EXOC4: variants seen among roughly 807,000 people sequenced by gnomAD.
The protein encoded by EXOC4 is SEC8-like 1.
A neutral mutation model predicts 107.2 loss-of-function variants in EXOC4; 71 were observed. The ratio of observed to expected loss-of-function variants is 0.66; its 90% CI spans 0.55 to 0.81. The LOEUF (loss-of-function observed/expected upper bound fraction) is 0.81. Among genes scored for constraint, EXOC4 ranks in the 30% least tolerant of loss-of-function variants. The pLI, the probability that EXOC4 is intolerant of heterozygous loss-of-function variation, is 0.00. For missense variants in EXOC4, 1,108 were observed against 1,189.6 expected, an observed-to-expected ratio of 0.93 and a Z score of 1.01; for synonymous variants, 456 against 441.2, an observed-to-expected ratio of 1.03 and a Z score of -0.42.
the EXOC4 span, among the ~76,000 whole-genome samples, chr7:134,093,509 A>G: frequency 1.8e-4 from 28 of 151,978 alleles, no homozygotes; most frequent in Non-Finnish European, 2.8e-4. Flanking sequence ...AGCATTACAC[A>G]GGTCATCGAG....
At chr7:133,313,495 A>G (rs1160224525) in intron 4 of EXOC4, among the ~76,000 whole-genome samples, 1 of 152,168 alleles carries the variant, frequency 6.6e-6, no homozygotes, top group East Asian at 1.9e-4. Context: ...CAGTTATTCG[A>G]TTTACAACTT....
chr7:133,890,402 T>A (rs1173837909), intron 11 of EXOC4, among the ~76,000 whole-genome samples: 2 of 70,808 alleles, frequency 2.8e-5, no homozygotes, highest in East Asian at 6.6e-4. Context: ...TAGTTTCTTT[T>A]GCTGTGCAGA....
At chr7:133,381,125 A>G (rs966894446) in intron 7 of EXOC4, among the ~76,000 whole-genome samples, 1 of 152,128 alleles carries the variant, frequency 6.6e-6, no homozygotes, top group Non-Finnish European at 1.5e-5. Flanking sequence ...AGCATAGAGC[A>G]TTTTTGAATA....
At chr7:133,280,389 C>T (rs879264237) in intron 2 of EXOC4, among the ~76,000 whole-genome samples, 3 of 151,964 alleles carry the variant, frequency 2.0e-5, no homozygotes, top group Non-Finnish European at 4.4e-5. Flanking sequence ...GAAATGGATA[C>T]GAGTTGATAC....
chr7:133,347,239 CT>C (rs1296224074), intron 5 of EXOC4, among the ~76,000 whole-genome samples: 1 of 145,286 alleles, frequency 6.9e-6, no homozygotes. Flanking sequence ...TAGACGTAAA[CT>C]ATACTTTTTT....
chr7:133,543,537 A>G (rs1464522861), intron 9 of EXOC4, among the ~76,000 whole-genome samples: 1 of 152,072 alleles, frequency 6.6e-6, no homozygotes. Context: ...GCTTTCATAT[A>G]TTTAATAACT....
intron 7 of EXOC4, among the ~76,000 whole-genome samples, chr7:133,384,411 A>G (rs1456535918): frequency 2.0e-5 from 3 of 152,056 alleles, no homozygotes; most frequent in African/African-American, 2.4e-5. Context: ...GTTTTGTCTG[A>G]TATTTTAGAG....
At chr7:134,028,085 A>T (rs1223319699) in intron 17 of EXOC4, among the ~76,000 whole-genome samples, 1 of 152,196 alleles carries the variant, frequency 6.6e-6, no homozygotes, top group Non-Finnish European at 1.5e-5. Context: ...TGATTACTAG[A>T]ATCCTCTGGA....
intron 10 of EXOC4, among the ~76,000 whole-genome samples, chr7:133,686,849 A>G (rs1266645557): frequency 6.6e-6 from 1 of 152,192 alleles, no homozygotes; most frequent in East Asian, 1.9e-4. Flanking sequence ...CAGCAATCCC[A>G]CTACTGGGTA....
intron 5 of EXOC4, among the ~76,000 whole-genome samples, chr7:133,331,498 G>T (rs1033557628): frequency 8.4e-6 from 1 of 119,752 alleles, no homozygotes; most frequent in Non-Finnish European, 1.6e-5. Context: ...ATGGAGTCTC[G>T]CTGTCGCCCA....
At chr7:133,715,432 C>T (rs1425454796) in intron 10 of EXOC4, among the ~76,000 whole-genome samples, 2 of 152,000 alleles carry the variant, frequency 1.3e-5, no homozygotes, top group East Asian at 3.9e-4. Context: ...TAGCTCCTTT[C>T]TCTGCCACCC....
At chr7:133,587,156 A>G (rs1245575528) in intron 9 of EXOC4, among the ~76,000 whole-genome samples, 3 of 152,280 alleles carry the variant, frequency 2.0e-5, no homozygotes, top group Non-Finnish European at 4.4e-5. Flanking sequence ...TTATTGCAGT[A>G]GAAGTGTAGT....
chr7:133,623,716 T>C (rs925984479), intron 9 of EXOC4, among the ~76,000 whole-genome samples: 2 of 152,168 alleles, frequency 1.3e-5, no homozygotes, highest in Non-Finnish European at 1.5e-5. Context: ...TTTACTTGAC[T>C]TTGCTGTCAT....
intron 10 of EXOC4, among the ~76,000 whole-genome samples, chr7:133,713,490 A>T (rs1481697557): frequency 6.6e-6 from 1 of 152,220 alleles, no homozygotes; most frequent in Non-Finnish European, 1.5e-5. Context: ...TAAGATAGAT[A>T]TCATCTAGAA....
chr7:133,384,262 G>A (rs1328658277), intron 7 of EXOC4, among the ~76,000 whole-genome samples: 1 of 152,182 alleles, frequency 6.6e-6, no homozygotes, highest in African/African-American at 2.4e-5. Context: ...TGATCTGGTA[G>A]GAAGGCTGTT....
intron 10 of EXOC4, among the ~76,000 whole-genome samples, chr7:133,815,458 T>G (rs1797346222): frequency 6.6e-6 from 1 of 151,960 alleles, no homozygotes. Context: ...AGAAAACTGA[T>G]ATGTATTTAG....
intron 10 of EXOC4, among the ~76,000 whole-genome samples, chr7:133,719,112 A>T (rs1316930434): frequency 2.6e-5 from 4 of 152,166 alleles, no homozygotes; most frequent in South Asian, 2.1e-4. Context: ...GGTCTTTCTC[A>T]TGCTGTTCTC....
chr7:133,875,403 C>T (rs1391167193), intron 11 of EXOC4, among the ~76,000 whole-genome samples: 1 of 152,152 alleles, frequency 6.6e-6, no homozygotes, highest in Admixed American at 6.5e-5. Flanking sequence ...GTATGACAAT[C>T]GTATGTCCTT....
intron 9 of EXOC4, chr7:133,576,528 TAAC>T: frequency 7.8e-7 from 1 of 1,288,958 alleles, no homozygotes; most frequent in South Asian, 1.2e-5. Flanking sequence ...GCCAATTTAG[TAAC>T]AGCAAGCAAA....
Sources: allele counts gnomAD v4.1 joint callset (sites outside exome capture counted in the v4.1 genomes callset), GRCh38; gene constraint gnomAD v4.1.1; transcripts MANE v1.5; gene names NCBI Gene and HGNC (gene_info 2026-07-23, HGNC 2026-07-21).